Variants in NPAS3 observed in about 807,000 individuals in gnomAD.
The protein encoded by NPAS3 is neuronal PAS domain-containing protein 3.
A neutral mutation model predicts 73.1 loss-of-function variants in NPAS3; 14 were observed. The ratio of observed to expected loss-of-function variants is 0.19; its 90% CI spans 0.13 to 0.30. NPAS3 has a LOEUF of 0.30. NPAS3 is among the 10% of genes least tolerant of loss of function. NPAS3 has a pLI of 1.00. For missense variants in NPAS3, 1,096 were observed against 1,250.0 expected (o/e 0.88, Z 1.86); for synonymous variants, 620 against 541.5 (o/e 1.14, Z -2.01).
At chr14:32,938,486 TGAGA>T (rs369330767), upstream of NPAS3, among the ~76,000 whole-genome samples, 1,023 of 55,898 alleles carry the variant, frequency 0.018, 36 homozygotes, top group Admixed American at 0.066. Context: ...AGAGAGAAAT[TGAGA>T]GAGAGAGAGA....
intron 2 of NPAS3, among the ~76,000 whole-genome samples, chr14:33,148,510 A>AG (rs1275616219): frequency 1.3e-5 from 2 of 152,182 alleles, no homozygotes; most frequent in Non-Finnish European, 2.9e-5. Flanking sequence ...GTTTTTAAAA[A>AG]GAATGTAAAA....
chr14:33,100,834 G>A (rs749932477), intron 2 of NPAS3, among the ~76,000 whole-genome samples: 3 of 152,060 alleles, frequency 2.0e-5, no homozygotes, highest in Non-Finnish European at 4.4e-5. Flanking sequence ...TTGTATTTCT[G>A]CTATTGCTTA....
intron 5 of NPAS3, among the ~76,000 whole-genome samples, chr14:33,570,321 T>C (rs1206135239): frequency 6.6e-6 from 1 of 152,172 alleles, no homozygotes; most frequent in African/African-American, 2.4e-5. Context: ...GAGGAAAACA[T>C]GATCCGACTG....
rs115613941 is a variant in NPAS3 at position 33,157,523 on chromosome 14, A to G, written c.141-57659A>G. ...CCTTGTATTTGTCTAGTGGTGAGGT[A>G]TAATCACACATTTCCCTTTAGTAGT... On this transcript the variant is annotated intron_variant, in intron 2 of 11. Coordinates refer to ENST00000356141, the Ensembl canonical transcript of NPAS3. 5.7e-3 allele frequency among the ~76,000 whole-genome samples: 863 copies of G among 152,354 alleles called. 6 individuals are homozygous for G. The highest frequency in any genetic ancestry group is 0.02 in the African/African-American group (832 of 41,580).
intron 4 of NPAS3, among the ~76,000 whole-genome samples, chr14:33,509,733 T>A (rs1197650340): frequency 2.0e-5 from 3 of 152,024 alleles, no homozygotes; most frequent in African/African-American, 7.2e-5. Context: ...ATCACTGAAC[T>A]AATGTCGGGA....
At chr14:32,961,576 A>G (rs1044347356) in intron 1 of NPAS3, among the ~76,000 whole-genome samples, 10 of 152,106 alleles carry the variant, frequency 6.6e-5, no homozygotes, top group African/African-American at 2.4e-4. Context: ...TGTGCATATC[A>G]TGTGATATCC....
At chr14:33,065,838 G>T (rs2041259531) in intron 2 of NPAS3, among the ~76,000 whole-genome samples, 1 of 152,030 alleles carries the variant, frequency 6.6e-6, no homozygotes, top group Non-Finnish European at 1.5e-5. Flanking sequence ...CCTGTCAGGG[G>T]TGCTTACAGT....
intron 5 of NPAS3, among the ~76,000 whole-genome samples, chr14:33,573,202 TC>T (rs573331113): frequency 6.8e-4 from 104 of 152,174 alleles, no homozygotes; most frequent in Non-Finnish European, 1.3e-3. Context: ...AACCCAGGTT[TC>T]CCATGACACT....
chr14:33,098,125 A>G (rs1419472259), intron 2 of NPAS3, among the ~76,000 whole-genome samples: 1 of 152,170 alleles, frequency 6.6e-6, no homozygotes, highest in Non-Finnish European at 1.5e-5. Flanking sequence ...CCCTTTAGAT[A>G]TGCATTCCAT....
intron 5 of NPAS3, among the ~76,000 whole-genome samples, chr14:33,576,244 G>A (rs1362126308): frequency 6.6e-6 from 1 of 152,132 alleles, no homozygotes; most frequent in Non-Finnish European, 1.5e-5. Flanking sequence ...TCGTAGAGCT[G>A]ATTGTTTTAT....
At chr14:33,018,295 G>A (rs900548655) in intron 1 of NPAS3, among the ~76,000 whole-genome samples, 1 of 152,184 alleles carries the variant, frequency 6.6e-6, no homozygotes, top group Non-Finnish European at 1.5e-5. Context: ...ATGCTCCAGT[G>A]GCAGAATGGG....
intron 4 of NPAS3, among the ~76,000 whole-genome samples, chr14:33,536,513 C>G (rs80061543): frequency 0.02 from 2,968 of 152,108 alleles, 91 homozygotes; most frequent in African/African-American, 0.067. Flanking sequence ...AGAACTAATA[C>G]GAAGAAGTGT....
At chr14:33,501,910 T>C (rs1270465783) in intron 4 of NPAS3, among the ~76,000 whole-genome samples, 2 of 151,950 alleles carry the variant, frequency 1.3e-5, no homozygotes, top group African/African-American at 2.4e-5. Flanking sequence ...AGCACATTTA[T>C]ACGTTAAGAT....
chr14:33,128,847 C>T (rs902885972), intron 2 of NPAS3, among the ~76,000 whole-genome samples: 1 of 152,112 alleles, frequency 6.6e-6, no homozygotes, highest in Non-Finnish European at 1.5e-5. Flanking sequence ...GTAGGTGATA[C>T]TTACATCTTA....
intron 4 of NPAS3, among the ~76,000 whole-genome samples, chr14:33,456,829 T>TG (rs2139442087): frequency 6.6e-6 from 1 of 151,980 alleles, no homozygotes; most frequent in South Asian, 2.1e-4. Context: ...AAGGCAGAAA[T>TG]GGGGGTAAAG....
At chr14:33,195,654 T>G (rs1454669211) in intron 2 of NPAS3, among the ~76,000 whole-genome samples, 2 of 152,260 alleles carry the variant, frequency 1.3e-5, no homozygotes, top group Non-Finnish European at 2.9e-5. Context: ...CAGCTGATAT[T>G]TGTTATTAAC....
chr14:33,724,795 A>C (rs2061217737), intron 6 of NPAS3, among the ~76,000 whole-genome samples: 1 of 152,006 alleles, frequency 6.6e-6, no homozygotes, highest in Admixed American at 6.6e-5. Context: ...TATGAACACC[A>C]TTAAATATTA....
intron 2 of NPAS3, among the ~76,000 whole-genome samples, chr14:33,166,976 T>C (rs1218874312): frequency 6.6e-6 from 1 of 152,192 alleles, no homozygotes; most frequent in Non-Finnish European, 1.5e-5. Flanking sequence ...GATTTCCTTT[T>C]AATGTAATTT....
chr14:33,096,231 T>G (rs1453891454), intron 2 of NPAS3, among the ~76,000 whole-genome samples: 4 of 152,144 alleles, frequency 2.6e-5, no homozygotes, highest in Non-Finnish European at 5.9e-5. Context: ...CAACCAGTTC[T>G]TCTCTCAAAA....
Sources: allele counts gnomAD v4.1 joint callset (sites outside exome capture counted in the v4.1 genomes callset), GRCh38; gene constraint gnomAD v4.1.1; transcripts MANE v1.5; gene names NCBI Gene and HGNC (gene_info 2026-07-23, HGNC 2026-07-21).